FLI1: variants seen among roughly 807,000 people sequenced by gnomAD.
FLI1 encodes Friend leukemia integration 1 transcription factor.
Under a neutral mutation model 53.1 loss-of-function variants are expected in FLI1, and 13 were observed. The ratio of observed to expected loss-of-function variants is 0.24; its 90% CI spans 0.16 to 0.39. FLI1 has a LOEUF of 0.39. Ranked by LOEUF, FLI1 falls within the 10% of genes least tolerant of loss-of-function variation. The pLI, the probability that FLI1 is intolerant of heterozygous loss-of-function variation, is 1.00. For synonymous variants in FLI1, 244 were observed against 236.7 expected (o/e 1.03, Z -0.28); for missense variants, 424 against 600.5 (o/e 0.71, Z 3.07).
chr11:128,689,852 C>T (rs1937665804), upstream of FLI1, among the ~76,000 whole-genome samples: 1 of 152,098 alleles, frequency 6.6e-6, no homozygotes, highest in Admixed American at 6.5e-5. Context: ...CCTCCCCAAC[C>T]CGCCCGCCCC....
chr11:128,777,831 G>A (rs1442283324), intron 4 of FLI1, among the ~76,000 whole-genome samples: 1 of 131,864 alleles, frequency 7.6e-6, no homozygotes, highest in Non-Finnish European at 1.7e-5. Flanking sequence ...TTGGCACTGG[G>A]ACGCTTGCGC....
intron 1 of FLI1, among the ~76,000 whole-genome samples, chr11:128,730,307 A>G (rs530303359): frequency 6.6e-6 from 1 of 152,312 alleles, no homozygotes; most frequent in African/African-American, 2.4e-5. Flanking sequence ...GGTCACCCAG[A>G]CTGCGGGTGT....
At chr11:128,799,327 G>T (rs777049420) in intron 5 of FLI1, among the ~76,000 whole-genome samples, 2 of 151,956 alleles carry the variant, frequency 1.3e-5, no homozygotes, top group African/African-American at 2.4e-5. Context: ...TTCCTCAATG[G>T]GCTTGGTAAT....
At chr11:128,727,489 C>T (rs1939531250) in intron 1 of FLI1, among the ~76,000 whole-genome samples, 1 of 152,204 alleles carries the variant, frequency 6.6e-6, no homozygotes, top group Non-Finnish European at 1.5e-5. Context: ...CCGTGAGATG[C>T]AGGCAGCCAG....
In FLI1 at chr11:128,757,042, T is replaced by C. The variant is rs1299729140; in HGVS notation, c.19-1073T>C. ...GGCACATGCCACCATATCTAGCTAATTTTTTCTTTCTTTCTTTCTTTCTTT... is the reference window on the plus strand; with the variant it reads ...GGCACATGCCACCATATCTAGCTAACTTTTTCTTTCTTTCTTTCTTTCTTT... On this transcript the variant is annotated intron_variant, in intron 1 of 8. Coordinates refer to ENST00000527786, the MANE Select transcript of FLI1 (RefSeq NM_002017.5). Among the ~76,000 whole-genome samples, 4 of 146,348 alleles carry C rather than the reference T, an allele frequency of 2.7e-5. No individual in the cohort carries two copies. The South Asian group carries it at 8.8e-4, about 32-fold the overall frequency.
rs137935311 is a variant in FLI1, at chr11:128,695,249, T to C, written c.18+973T>C. Reference sequence around the variant, plus strand: ...GGGTTCGCGTCTCACTTCAGAAAAGTTGACTGCTGTCTCTGAAAGGGTTCG... The same window carrying C: ...GGGTTCGCGTCTCACTTCAGAAAAGCTGACTGCTGTCTCTGAAAGGGTTCG... On this transcript the variant is annotated intron_variant, in intron 1 of 8. Coordinates refer to ENST00000527786, the MANE Select transcript of FLI1 (RefSeq NM_002017.5). Among the ~76,000 whole-genome samples, 1,025 of 152,348 alleles carry C rather than the reference T, an allele frequency of 6.7e-3. 15 individuals are homozygous for C. Among genetic ancestry groups the C allele is most frequent in the African/African-American group, 0.023 (952 of 41,576 alleles).
chr11:128,729,203 GA>G (rs1181029288), intron 1 of FLI1, among the ~76,000 whole-genome samples: 1 of 152,044 alleles, frequency 6.6e-6, no homozygotes, highest in African/African-American at 2.4e-5. Context: ...ATGGTTCAAA[GA>G]AAAAAGGTAG....
At chr11:128,707,516 G>A (rs937405465) in intron 1 of FLI1, among the ~76,000 whole-genome samples, 6 of 152,138 alleles carry the variant, frequency 3.9e-5, no homozygotes, top group Non-Finnish European at 8.8e-5. Context: ...GACTTCCCAG[G>A]GTGCCTTGGG....
chr11:128,725,798 C>T (rs1054003559), intron 1 of FLI1, among the ~76,000 whole-genome samples: 1 of 151,994 alleles, frequency 6.6e-6, no homozygotes, highest in Non-Finnish European at 1.5e-5. Context: ...AAACTGTGTG[C>T]CAGTCTAAAA....
At chr11:128,705,271 C>T (rs1382141913) in intron 1 of FLI1, among the ~76,000 whole-genome samples, 1 of 152,212 alleles carries the variant, frequency 6.6e-6, no homozygotes, top group Non-Finnish European at 1.5e-5. Flanking sequence ...TCAAGAAGGC[C>T]TATTTCCCAG....
chr11:128,700,830 G>A (rs563930633), intron 1 of FLI1, among the ~76,000 whole-genome samples: 5 of 152,164 alleles, frequency 3.3e-5, no homozygotes, highest in South Asian at 2.1e-4. Flanking sequence ...AGCCATGAGC[G>A]CCACTGTATT....
chr11:128,757,394 G>A (rs1171848756), intron 1 of FLI1, among the ~76,000 whole-genome samples: 1 of 151,940 alleles, frequency 6.6e-6, no homozygotes, highest in Non-Finnish European at 1.5e-5. Flanking sequence ...TCGTCCTTTG[G>A]CTGGCTGAGT....
chr11:128,798,629 A>C (rs1942516646), intron 5 of FLI1, among the ~76,000 whole-genome samples: 1 of 152,040 alleles, frequency 6.6e-6, no homozygotes, highest in South Asian at 2.1e-4. Context: ...AGCAAAGGAA[A>C]CCTGATCCAG....
chr11:128,795,726 A>G (rs1942421034), intron 5 of FLI1, among the ~76,000 whole-genome samples: 1 of 151,918 alleles, frequency 6.6e-6, no homozygotes, highest in Non-Finnish European at 1.5e-5. Flanking sequence ...AATTTTTTGT[A>G]TTTTTAGTAG....
At chr11:128,768,495 GT>G (rs1941433497) in intron 3 of FLI1, 3 of 535,344 alleles carry the variant, frequency 5.6e-6, no homozygotes, top group African/African-American at 4.0e-5. Context: ...CCTAGCCAAC[GT>G]GGTGAAACCT....
chr11:128,699,385 A>G (rs974412382), intron 1 of FLI1, among the ~76,000 whole-genome samples: 13 of 152,328 alleles, frequency 8.5e-5, no homozygotes, highest in African/African-American at 3.1e-4. Flanking sequence ...CTGTACTTAA[A>G]ACATTCCTTT....
intron 1 of FLI1, among the ~76,000 whole-genome samples, chr11:128,727,327 A>G (rs1939524835): frequency 6.6e-6 from 1 of 152,248 alleles, no homozygotes; most frequent in Admixed American, 6.5e-5. Context: ...TAGCTCCTAA[A>G]TCAATAATGG....
At chr11:128,693,941 CGAGAGAGAGA>C (rs57930585), upstream of FLI1, 12,673 of 174,890 alleles carry the variant, frequency 0.072, 210 homozygotes, top group East Asian at 0.13. Context: ...GAGCTCGAGG[CGAGAGAGAGA>C]GAGAGAGAGA....
intron 1 of FLI1, among the ~76,000 whole-genome samples, chr11:128,720,047 A>G (rs1939191408): frequency 6.6e-6 from 1 of 152,240 alleles, no homozygotes; most frequent in South Asian, 2.1e-4. Context: ...AGAATGTAAA[A>G]GCACGCATAG....
Sources: allele counts gnomAD v4.1 joint callset (sites outside exome capture counted in the v4.1 genomes callset), GRCh38; gene constraint gnomAD v4.1.1; transcripts MANE v1.5; gene names NCBI Gene and HGNC (gene_info 2026-07-23, HGNC 2026-07-21).